Variants in CHRNA3 observed in about 807,000 individuals in gnomAD.
The protein encoded by CHRNA3 is neuronal acetylcholine receptor subunit alpha-3.
CHRNA3 carries 34 observed loss-of-function variants against 41.9 expected under a neutral mutation model. The observed-to-expected ratio is 0.81, with a 90% CI of 0.62 to 1.08. CHRNA3 has a LOEUF of 1.08. CHRNA3 is among the 50% of genes least tolerant of loss of function. The pLI is 0.00. For synonymous variants in CHRNA3, 281 were observed against 265.2 expected (o/e 1.06, Z -0.58); for missense variants, 542 against 638.3 (o/e 0.85, Z 1.63).
chr15:78,601,041 C>CA, intron 5 of CHRNA3, among the ~76,000 whole-genome samples: 1 of 152,146 alleles, frequency 6.6e-6, no homozygotes, highest in African/African-American at 2.4e-5. Context: ...CAGGGTACCA[C>CA]ATACCAAGCT....
chr15:78,594,963 T>C (rs560767564), downstream of CHRNA3: 1 of 152,316 alleles, frequency 6.6e-6, no homozygotes, highest in East Asian at 1.9e-4. Flanking sequence ...TGTGACCAGG[T>C]AGCAAACACT....
intron 1 of CHRNA3, 48 bp downstream of exon 1, chr15:78,620,665 C>T (rs1385170006): frequency 6.7e-7 from 1 of 1,496,300 alleles, no homozygotes; most frequent in East Asian, 2.8e-5. Flanking sequence ...ACCCCGCGCC[C>T]CTTCTCGGGC....
intron 4 of CHRNA3, among the ~76,000 whole-genome samples, chr15:78,603,419 A>G (rs2053236214): frequency 6.6e-6 from 1 of 152,256 alleles, no homozygotes; most frequent in Non-Finnish European, 1.5e-5. Context: ...CGCGATGGCC[A>G]GATGAGGCCA....
downstream of CHRNA3, chr15:78,593,388 T>C (rs113264952): frequency 2.5e-5 from 19 of 763,458 alleles, no homozygotes; most frequent in African/African-American, 3.2e-4. Flanking sequence ...CCTCAATTTA[T>C]GTTAACAGAT....
rs755132539 is a variant in CHRNA3 at position 78,602,217 on chromosome 15, T to A, written c.425A>T (p.Lys142Met). Reference protein sequence around the residue: ...QVDDKTKALLKYTGEVTWIPP... With the variant: ...QVDDKTKALLMYTGEVTWIPP... ...TATCCAAGTCACCTCCCCAGTGTAC[T>A]TGAGTAAGGCTTTGGTCTTGTCGTC... Residue 142 changes from lysine (K) to methionine (M), a missense_variant, in exon 5 of 6, where the codon AAG (lysine) becomes ATG (methionine). Coordinates refer to ENST00000326828, the MANE Select transcript of CHRNA3 (RefSeq NM_000743.5). The A allele has an allele frequency of 1.2e-6, 2 of 1,614,136 alleles. No individual in the cohort carries two copies. The highest frequency in any genetic ancestry group is 1.7e-6 in the Non-Finnish European group (2 of 1,180,020).
chr15:78,613,772 A>T (rs1380330886), intron 4 of CHRNA3, among the ~76,000 whole-genome samples: 3 of 72,186 alleles, frequency 4.2e-5, no homozygotes, highest in African/African-American at 2.3e-4. Context: ...AAACAAAAAA[A>T]AAACCAAAAA....
chr15:78,620,814 C>T lies in CHRNA3; in HGVS notation c.-20G>A. On this transcript the variant is annotated 5_prime_UTR_variant, in exon 1 of 6. Transcript: ENST00000326828. The stretch of plus-strand genomic sequence containing the variant: ...GCCCATGGCTGGTGGCCGGGCTGGC[C>T]GCGGACCCGGACGGTCGGGAGCGGG... 1 of 1,401,508 alleles carries T rather than the reference C, an allele frequency of 7.1e-7. No individual in the cohort carries two copies. Among genetic ancestry groups the T allele is most frequent in the Non-Finnish European group, 9.2e-7 (1 of 1,085,874 alleles). 86.8% of individuals were successfully genotyped at this position (1,401,508 alleles called of 1,614,324 possible).
At chr15:78,619,004 T>TC in intron 1 of CHRNA3, 89 bp from the exon 2 acceptor site, 1 of 1,435,244 alleles carries the variant, frequency 7.0e-7, no homozygotes, top group Non-Finnish European at 9.6e-7. Context: ...ATCTACAGCA[T>TC]CCCCTCCACC....
intron 5 of CHRNA3, among the ~76,000 whole-genome samples, chr15:78,599,645 C>G (rs2053165499): frequency 6.7e-6 from 1 of 150,216 alleles, no homozygotes; most frequent in East Asian, 2.0e-4. Context: ...TTCCTCCTCT[C>G]CTTTGTAGCC....
At chr15:78,600,722 T>C (rs1036341200) in intron 5 of CHRNA3, among the ~76,000 whole-genome samples, 7 of 151,564 alleles carry the variant, frequency 4.6e-5, no homozygotes, top group Non-Finnish European at 8.8e-5. Context: ...TACAAAAAAA[T>C]TAGGGTATGG....
intron 5 of CHRNA3, among the ~76,000 whole-genome samples, chr15:78,598,289 T>C (rs1304527818): frequency 6.6e-6 from 1 of 152,200 alleles, no homozygotes; most frequent in Non-Finnish European, 1.5e-5. Flanking sequence ...CTAATGTTGA[T>C]TTATAAAATG....
At chr15:78,617,461 T>C (rs1199611029) in intron 3 of CHRNA3, among the ~76,000 whole-genome samples, 1 of 152,154 alleles carries the variant, frequency 6.6e-6, no homozygotes, top group Non-Finnish European at 1.5e-5. Flanking sequence ...ACTTCATGCA[T>C]CATGTCCAGG....
chr15:78,613,867 A>G (rs1265044865), intron 4 of CHRNA3, among the ~76,000 whole-genome samples: 2 of 151,784 alleles, frequency 1.3e-5, no homozygotes, highest in Non-Finnish European at 1.5e-5. Context: ...AATGGCGTGA[A>G]CCAGGGAGGC....
chr15:78,608,775 A>C (rs1237971968), intron 4 of CHRNA3, among the ~76,000 whole-genome samples: 1 of 152,194 alleles, frequency 6.6e-6, no homozygotes, highest in African/African-American at 2.4e-5. Context: ...AGACGACCAA[A>C]ATACTCCAAG....
At position 78,602,069 on chromosome 15, in the gene CHRNA3, C is replaced by T; in HGVS notation, c.573G>A (p.Leu191=). The change falls in exon 5 of 6, where the codon CTG becomes CTA. Residue 191 remains leucine, a synonymous_variant. Transcript: ENST00000326828. ...SYDKAKIDLV[L]IGSSMNLKDY... is the part of the protein sequence containing the mutation. ...CCTTGAGGTTCATGGAAGAGCCGAT[C>T]AGGACCAGATCGATTTTCGCCTTAT... 1 of 1,614,174 alleles carries T rather than the reference C, an allele frequency of 6.2e-7. No individual in the cohort carries two copies.
At chr15:78,598,006 T>C (rs2053139477) in intron 5 of CHRNA3, among the ~76,000 whole-genome samples, 1 of 152,164 alleles carries the variant, frequency 6.6e-6, no homozygotes, top group African/African-American at 2.4e-5. Flanking sequence ...CTGGTTTGTG[T>C]GTGCTTCAGA....
At chr15:78,606,333 C>CAAAAAAAAAAAAAAAAAAAAAAAAAAA in intron 4 of CHRNA3, among the ~76,000 whole-genome samples, 1 of 127,384 alleles carries the variant, frequency 7.9e-6, no homozygotes, top group African/African-American at 3.0e-5. Context: ...GAAGATGTCT[C>CAAAAAAAAAAAAAAAAAAAAAAAAAAA]AAAAAAAAAA....
intron 4 of CHRNA3, among the ~76,000 whole-genome samples, chr15:78,611,361 G>A (rs1453772356): frequency 6.6e-6 from 1 of 151,614 alleles, no homozygotes; most frequent in Admixed American, 6.6e-5. Context: ...ACATCAAAAA[G>A]CTTATCCACC....
At chr15:78,606,677 C>T (rs990689985) in intron 4 of CHRNA3, among the ~76,000 whole-genome samples, 27 of 151,164 alleles carry the variant, frequency 1.8e-4, no homozygotes, top group African/African-American at 6.3e-4. Context: ...GAGTGGATGA[C>T]GAGGTCAGGA....
Sources: allele counts gnomAD v4.1 joint callset (sites outside exome capture counted in the v4.1 genomes callset), GRCh38; gene constraint gnomAD v4.1.1; transcripts MANE v1.5; gene names NCBI Gene and HGNC (gene_info 2026-07-23, HGNC 2026-07-21).